The following CACNA1C variants were observed in gnomAD, a reference collection of about 807,000 sequenced individuals.
The protein encoded by CACNA1C is calcium voltage-gated channel subunit alpha1 C.
In CACNA1C, 30 loss-of-function variants were observed where a neutral mutation model predicts 229.0. The observed-to-expected ratio is 0.13, with a 90% CI of 0.10 to 0.18. The LOEUF (loss-of-function observed/expected upper bound fraction) is 0.18, where lower values mean the gene tolerates loss of function less well. Ranked by LOEUF, CACNA1C falls within the 10% of genes least tolerant of loss-of-function variation. CACNA1C has a pLI of 1.00. For missense variants in CACNA1C, 1,658 were observed against 2,845.0 expected (o/e 0.58, Z 9.49); for synonymous variants, 1,114 against 1,132.5 (o/e 0.98, Z 0.33).
At chr12:2,078,383 G>A (rs933537707) in intron 1 of CACNA1C, among the ~76,000 whole-genome samples, 15 of 152,068 alleles carry the variant, frequency 9.9e-5, no homozygotes, top group African/African-American at 2.4e-4. Flanking sequence ...TACATACAGC[G>A]GAGTATTATT....
intron 1 of CACNA1C, among the ~76,000 whole-genome samples, chr12:2,090,613 C>G (rs1386301790): frequency 6.6e-6 from 1 of 152,148 alleles, no homozygotes; most frequent in South Asian, 2.1e-4. Flanking sequence ...CCACCGTGCC[C>G]AGCCACGGAT....
In CACNA1C at chr12:2,610,768, C is replaced by T. The variant is rs55641425; in HGVS notation, c.3717+69C>T. 135,674 of 1,537,258 alleles carry T rather than the reference C, an allele frequency of 0.088. 6,657 individuals are homozygous for T. The highest frequency in any genetic ancestry group is 0.12 in the Middle Eastern group (704 of 5,892). ...TGTGCCATGGGGATGGAAAGTGTAA[C>T]GGAGCGGCAGGCAGCTCAGTGCATC... On this transcript the variant is annotated intron_variant, in intron 28 of 46. Transcript: ENST00000399655.
Position 2,252,517 on chromosome 12 carries a change from G to A in CACNA1C, c.477+132087G>A, listed in dbSNP as rs375594883. On this transcript the variant is annotated intron_variant, in intron 3 of 46. Coordinates refer to ENST00000399655, the MANE Select transcript of CACNA1C (RefSeq NM_000719.7). ...GTGCAGCTGAGGCTAAGAAGCCCCG[G>A]AGCAGGCTTGGGGGCTTCTTGTGTG... Among the ~76,000 whole-genome samples the A allele has an allele frequency of 7.2e-5, 11 of 152,300 alleles. No individual in the cohort carries two copies. The South Asian group carries it at 1.5e-3, about 20-fold the overall frequency.
At position 2,646,981 on chromosome 12, in the gene CACNA1C, C is replaced by CT. The variant is rs1218131214; in HGVS notation, c.3913-1491dup. 6.6e-6 allele frequency among the ~76,000 whole-genome samples: 1 copy of CT among 151,962 alleles called. No individual in the cohort carries two copies. The highest frequency in any genetic ancestry group is 1.5e-5 in the Non-Finnish European group (1 of 68,006). Reference sequence around the variant, plus strand: ...TTCTGTAAAGCCTAGAGAAGTGTCCCTTTCTTTCTCCTCCCTCACCTCACC... The same window carrying CT: ...TTCTGTAAAGCCTAGAGAAGTGTCCCTTTTCTTTCTCCTCCCTCACCTCACC... On this transcript the variant is annotated intron_variant, in intron 30 of 46. Transcript: ENST00000399655. The surrounding 1 kb of genome is among the most constrained non-coding windows in gnomAD (Gnocchi z 4.6).
intron 3 of CACNA1C, among the ~76,000 whole-genome samples, chr12:2,311,372 C>G (rs1217031413): frequency 6.6e-6 from 1 of 152,312 alleles, no homozygotes; most frequent in Non-Finnish European, 1.5e-5. Context: ...CCTGTATTCT[C>G]TAAGGCCTGC....
intron 14 of CACNA1C, 42 bp downstream of exon 14, chr12:2,581,839 G>T: frequency 7.8e-7 from 1 of 1,284,850 alleles, no homozygotes; most frequent in Non-Finnish European, 1.1e-6. Context: ...CGGGGTGGTT[G>T]AGTGGCGGGG....
At chr12:2,135,607 G>C (rs1310451577) in intron 3 of CACNA1C, among the ~76,000 whole-genome samples, 3 of 138,076 alleles carry the variant, frequency 2.2e-5, no homozygotes, top group African/African-American at 9.6e-5. Flanking sequence ...GTGCCTCCCA[G>C]TTAGGCTGCT....
chr12:2,603,620 C>T (rs932572851), intron 22 of CACNA1C: 2 of 152,174 alleles, frequency 1.3e-5, no homozygotes, highest in African/African-American at 4.8e-5. Context: ...TGCTTAGGGA[C>T]CTGTCTCCTG....
chr12:2,200,591 G>C (rs986928200), intron 3 of CACNA1C, among the ~76,000 whole-genome samples: 1 of 152,184 alleles, frequency 6.6e-6, no homozygotes, highest in Non-Finnish European at 1.5e-5. Context: ...TGGTGACAGG[G>C]CAAGGCTCCT....
chr12:2,694,163 T>A lies in CACNA1C; in HGVS notation c.*2964T>A, dbSNP rs1336435404. On this transcript the variant is annotated 3_prime_UTR_variant, in exon 47 of 47. Transcript: ENST00000399655. ...TCTAGGGCAGGAGGACTATCCTAGC[T>A]TGACCTTCTGATCCACTAGAATAAG... The A allele has an allele frequency of 1.3e-5, 2 of 152,230 alleles. No homozygotes were observed. The highest frequency in any genetic ancestry group is 2.9e-5 in the Non-Finnish European group (2 of 68,044). 9.4% of individuals were successfully genotyped at this position (152,230 alleles called of 1,614,324 possible).
At chr12:2,615,784 C>T (rs1369015399) in intron 29 of CACNA1C, among the ~76,000 whole-genome samples, 1 of 152,192 alleles carries the variant, frequency 6.6e-6, no homozygotes, top group Non-Finnish European at 1.5e-5. Flanking sequence ...ACTTAGTTGC[C>T]TGAGGTTTGC....
Position 2,582,511 on chromosome 12 carries a change from T to C in CACNA1C, c.2104-311T>C, listed in dbSNP as rs11831766. Among the ~76,000 whole-genome samples, 5,134 of 152,170 alleles carry C rather than the reference T, an allele frequency of 0.034. 316 individuals carry two copies. Among genetic ancestry groups the C allele is most frequent in the African/African-American group, 0.12 (4,848 of 41,490 alleles). On this transcript the variant is annotated intron_variant, in intron 14 of 46. Coordinates refer to ENST00000399655, the MANE Select transcript of CACNA1C (RefSeq NM_000719.7). ...CAGCAAACACACAACTGCAAAAGGG[T>C]CCTGACGCCTTACCCCCAGGAATGG...
At chr12:2,389,380 G>A (rs1162520106) in intron 3 of CACNA1C, among the ~76,000 whole-genome samples, 3 of 152,128 alleles carry the variant, frequency 2.0e-5, no homozygotes, top group Non-Finnish European at 1.5e-5. Flanking sequence ...CTAGGACACT[G>A]TGCTGGGAAG....
chr12:2,052,562 G>A (rs899781928), upstream of CACNA1C, among the ~76,000 whole-genome samples: 1 of 148,176 alleles, frequency 6.7e-6, no homozygotes, highest in Admixed American at 6.7e-5. Context: ...GCTGCAGGCC[G>A]GCGCGGGGGG....
rs140079531 is a variant in CACNA1C at position 2,207,678 on chromosome 12, G to A, written c.477+87248G>A. 7.9e-5 allele frequency among the ~76,000 whole-genome samples: 12 copies of A among 152,208 alleles called. No individual in the cohort carries two copies. In the East Asian group the frequency reaches 1.5e-3, roughly 20 times the overall value. On this transcript the variant is annotated intron_variant, in intron 3 of 46. Coordinates refer to ENST00000399655, the MANE Select transcript of CACNA1C (RefSeq NM_000719.7). The stretch of plus-strand genomic sequence containing the variant: ...AAGTAAAAAAAATTAGTCAGGTGTG[G>A]TGGTGTGCACCTGTAGTCTCATTTA...
chr12:2,078,057 A>G (rs974401004), intron 1 of CACNA1C, among the ~76,000 whole-genome samples: 5 of 152,214 alleles, frequency 3.3e-5, no homozygotes, highest in Non-Finnish European at 5.9e-5. Context: ...CTAGCCTCCA[A>G]TGTGATGGTA....
chr12:2,367,355 C>T (rs111305225), intron 3 of CACNA1C, among the ~76,000 whole-genome samples: 91 of 152,298 alleles, frequency 6.0e-4, no homozygotes, highest in African/African-American at 2.0e-3. Flanking sequence ...GGACCGGTAC[C>T]GGTCCGCCAT....
Position 2,566,393 on chromosome 12 carries a change from C to T in CACNA1C, c.1509-29C>T. 6.4e-7 allele frequency: 1 copy of T among 1,555,678 alleles called. No homozygotes were observed. Among genetic ancestry groups the T allele is most frequent in the East Asian group, 2.4e-5 (1 of 41,976 alleles). On this transcript the variant is annotated intron_variant, in intron 11 of 46. Coordinates refer to ENST00000399655, the MANE Select transcript of CACNA1C (RefSeq NM_000719.7). The surrounding 1 kb of genome is among the most constrained non-coding windows in gnomAD (Gnocchi z 4.0). ...AGGAAACCTGAATTCACAGCCAACC[C>T]CACCCTTCTCTCCCTGTCCCCTTTC...
intron 3 of CACNA1C, among the ~76,000 whole-genome samples, chr12:2,225,240 T>C (rs1052946892): frequency 6.6e-6 from 1 of 152,214 alleles, no homozygotes; most frequent in Non-Finnish European, 1.5e-5. Context: ...TATGTAGCAT[T>C]GCACAAAGAG....
Sources: gnomAD v4.1 joint callset for allele counts (sites outside exome capture counted in the v4.1 genomes callset) on GRCh38, gnomAD v4.1.1 for gene constraint, Gnocchi (gnomAD v3.1) non-coding constraint, MANE v1.5 for transcripts, NCBI Gene and HGNC (gene_info 2026-07-23, HGNC 2026-07-21) for gene names.